INPP5A: variants seen among roughly 807,000 people sequenced by gnomAD.
INPP5A encodes the protein 43 kDa inositol polyphosphate 5-phophatase.
Under a neutral mutation model 65.2 loss-of-function variants are expected in INPP5A, and 14 were observed. The observed-to-expected ratio is 0.21, with a 90% CI of 0.14 to 0.34. The LOEUF is 0.34. Among genes scored for constraint, INPP5A ranks in the 10% least tolerant of loss-of-function variants. The probability of loss-of-function intolerance (pLI) is 1.00; values close to 1 mark genes in which losing one functional copy is unlikely to be tolerated. For synonymous variants in INPP5A, 207 were observed against 208.3 expected, an observed-to-expected ratio of 0.99 and a Z score of 0.05; for missense variants, 431 against 545.6, an observed-to-expected ratio of 0.79 and a Z score of 2.09.
intron 4 of INPP5A, among the ~76,000 whole-genome samples, chr10:132,657,243 A>AC (rs1280278419): frequency 6.6e-6 from 1 of 152,120 alleles, no homozygotes; most frequent in Non-Finnish European, 1.5e-5. Flanking sequence ...CCGGGGGCTT[A>AC]CCCCTCTCCC....
intron 1 of INPP5A, among the ~76,000 whole-genome samples, chr10:132,565,528 C>T (rs2071261186): frequency 6.6e-6 from 1 of 152,176 alleles, no homozygotes; most frequent in Non-Finnish European, 1.5e-5. Context: ...ACAGGCAAGA[C>T]AAAAGCCTTC....
At chr10:132,730,750 C>G (rs1283344178) in intron 9 of INPP5A, among the ~76,000 whole-genome samples, 1 of 152,188 alleles carries the variant, frequency 6.6e-6, no homozygotes, top group Non-Finnish European at 1.5e-5. Flanking sequence ...GTCTTGAAGT[C>G]CCAGCCGCGT....
chr10:132,660,251 A>G lies in INPP5A; in HGVS notation c.306+9746A>G, dbSNP rs2072718118. Among the ~76,000 whole-genome samples, 9 of 152,352 alleles carry G rather than the reference A, an allele frequency of 5.9e-5. No homozygotes were observed. In the South Asian group the frequency reaches 1.9e-3, roughly 32 times the overall value. ...CCAGCATGGAAAAATTGAAAAATCA[A>G]TGTTGAAAACTGGAAAATCAAGAAG... On this transcript the variant is annotated intron_variant, in intron 4 of 15. Coordinates refer to ENST00000368594, the MANE Select transcript of INPP5A (RefSeq NM_005539.5).
At position 132,682,997 on chromosome 10, in the gene INPP5A, G is replaced by A. The variant is rs867839926; in HGVS notation, c.307-7395G>A. Among the ~76,000 whole-genome samples the A allele has an allele frequency of 4.9e-4, 73 of 150,016 alleles. 1 individual carries two copies. Among genetic ancestry groups the A allele is most frequent in the Non-Finnish European group, 1.0e-3 (69 of 67,664 alleles). ...ACGCACATTTAATCCACGTGTACAC[G>A]TGTGTGTTATCCTATGTGGAGGGCA... is the stretch of plus-strand genomic sequence containing the variant. On this transcript the variant is annotated intron_variant, in intron 4 of 15. Transcript: ENST00000368594.
chr10:132,667,408 C>T (rs1199810745), intron 4 of INPP5A, among the ~76,000 whole-genome samples: 3 of 152,200 alleles, frequency 2.0e-5, no homozygotes, highest in Admixed American at 2.0e-4. Context: ...CAGTTTTCAT[C>T]TATTATCACA....
At position 132,546,223 on chromosome 10, in the gene INPP5A, G is replaced by A. The variant is rs374428877; in HGVS notation, c.75+8052G>A. ...TCTGGGGCAGGTCTAGGGTGATGGC[G>A]CTCCCAGCCCGCGGGGGTCTTGGCG... On this transcript the variant is annotated intron_variant, in intron 1 of 15. Transcript: ENST00000368594. The surrounding 1 kb of genome is among the most constrained non-coding windows in gnomAD (Gnocchi z 5.7). 4.6e-5 allele frequency among the ~76,000 whole-genome samples: 7 copies of A among 152,250 alleles called. No individual in the cohort carries two copies. Among genetic ancestry groups the A allele is most frequent in the African/African-American group, 1.7e-4 (7 of 41,468 alleles).
intron 4 of INPP5A, among the ~76,000 whole-genome samples, chr10:132,652,693 A>ATTTTAATACCTTT (rs1313384696): frequency 1.3e-5 from 2 of 152,200 alleles, no homozygotes; most frequent in Admixed American, 1.3e-4. Flanking sequence ...TTTAGATATA[A>ATTTTAATACCTTT]AGACACAGGT....
chr10:132,657,143 T>C (rs2072667339), intron 4 of INPP5A, among the ~76,000 whole-genome samples: 1 of 152,198 alleles, frequency 6.6e-6, no homozygotes, highest in Non-Finnish European at 1.5e-5. Context: ...CGCCGCCTGC[T>C]CACTCAAGGC....
rs1201016408 is a variant in INPP5A at position 132,782,486 on chromosome 10, C to A, written c.*457C>A. ...CTCCCTCTGCCGGCCGGCAGCGTGG[C>A]CCTGAGCATGGCAAGGGGGTCTGTC... On this transcript the variant is annotated 3_prime_UTR_variant, in exon 16 of 16. Transcript: ENST00000368594. This position sits in a 1 kb window ranked among gnomAD's most constrained non-coding sequence, Gnocchi z 4.4. 1.5e-5 allele frequency: 3 copies of A among 203,630 alleles called. No homozygotes were observed. The highest frequency in any genetic ancestry group is 3.1e-5 in the Non-Finnish European group (3 of 98,328). The allele number at this position is 203,630 out of a possible 1,614,324, so 12.6% of individuals were successfully genotyped here. A position where few individuals can be genotyped will look rare whatever the true frequency, so the allele number is the denominator to read the frequency against.
intron 1 of INPP5A, among the ~76,000 whole-genome samples, chr10:132,584,405 C>G (rs1385991243): frequency 6.6e-6 from 1 of 152,142 alleles, no homozygotes; most frequent in Non-Finnish European, 1.5e-5. Flanking sequence ...ACTCAAATTT[C>G]TTTAATAGAT....
At chr10:132,721,807 A>C (rs7477463) in intron 8 of INPP5A, among the ~76,000 whole-genome samples, 1 of 137,966 alleles carries the variant, frequency 7.2e-6, no homozygotes, top group African/African-American at 2.7e-5. Context: ...TGTGGTGCCT[A>C]GGTTCTGTCT....
At chr10:132,754,451 GGTCAGT>G (rs1846553895) in intron 11 of INPP5A, among the ~76,000 whole-genome samples, 1 of 152,192 alleles carries the variant, frequency 6.6e-6, no homozygotes, top group South Asian at 2.1e-4. Context: ...GCTCAGGGCT[GGTCAGT>G]GTGTGGGGGC....
At chr10:132,766,754 G>A (rs116152037) in intron 12 of INPP5A, among the ~76,000 whole-genome samples, 2,028 of 152,350 alleles carry the variant, frequency 0.013, 44 homozygotes, top group African/African-American at 0.045. Flanking sequence ...ATGCAGATTT[G>A]CCAGCACAGA....
intron 8 of INPP5A, among the ~76,000 whole-genome samples, chr10:132,718,405 G>T (rs1845786246): frequency 6.7e-6 from 1 of 149,802 alleles, no homozygotes; most frequent in South Asian, 2.1e-4. Context: ...TTAGACGACT[G>T]TCTTGCGGGT....
At position 132,603,657 on chromosome 10, in the gene INPP5A, G is replaced by A. The variant is rs908020058; in HGVS notation, c.76-4258G>A. Among the ~76,000 whole-genome samples, 8 of 152,294 alleles carry A rather than the reference G, an allele frequency of 5.3e-5. No individual in the cohort carries two copies. The highest frequency in any genetic ancestry group is 3.9e-4 in the Admixed American group (6 of 15,308). On this transcript the variant is annotated intron_variant, in intron 1 of 15. Coordinates refer to ENST00000368594, the MANE Select transcript of INPP5A (RefSeq NM_005539.5). This position sits in a 1 kb window ranked among gnomAD's most constrained non-coding sequence, Gnocchi z 4.2. ...AGAATACATTTTAATTTTAGAGCAC[G>A]TTTATGAATGCTCTGGTTTGGAAGG...
intron 8 of INPP5A, among the ~76,000 whole-genome samples, chr10:132,724,658 C>A (rs1845952904): frequency 6.6e-6 from 1 of 151,240 alleles, no homozygotes; most frequent in South Asian, 2.1e-4. Context: ...CCAGAACTCA[C>A]AGGGAGGCCC....
At chr10:132,780,620 G>A (rs1314787213) in intron 13 of INPP5A, among the ~76,000 whole-genome samples, 5 of 152,272 alleles carry the variant, frequency 3.3e-5, no homozygotes, top group Non-Finnish European at 7.3e-5. Flanking sequence ...AAAAGGGCCA[G>A]GGTCAAGGTG....
At position 132,678,377 on chromosome 10, in the gene INPP5A, ACTTTG is replaced by A. The variant is rs1288491319; in HGVS notation, c.307-12009_307-12005del. On this transcript the variant is annotated intron_variant, in intron 4 of 15. Transcript: ENST00000368594. The surrounding 1 kb of genome is among the most constrained non-coding windows in gnomAD (Gnocchi z 4.1). ...TTATAATCTAATGACTGTTATTATA[ACTTTG>A]CTTTGATTTATTACTCAATCTGTTA... Among the ~76,000 whole-genome samples the A allele has an allele frequency of 3.9e-5, 6 of 152,300 alleles. No individual in the cohort carries two copies. The highest frequency in any genetic ancestry group is 2.1e-4 in the South Asian group (1 of 4,824).
At chr10:132,566,547 C>A (rs1024881361) in intron 1 of INPP5A, among the ~76,000 whole-genome samples, 30 of 152,202 alleles carry the variant, frequency 2.0e-4, no homozygotes, top group Non-Finnish European at 4.1e-4. Context: ...AGGATAAGTT[C>A]ATGTTCCAAA....
Sources: allele counts gnomAD v4.1 joint callset (sites outside exome capture counted in the v4.1 genomes callset), GRCh38; gene constraint gnomAD v4.1.1; non-coding constraint Gnocchi (gnomAD v3.1); transcripts MANE v1.5; gene names NCBI Gene and HGNC (gene_info 2026-07-23, HGNC 2026-07-21).